EVL: variants seen among roughly 807,000 people sequenced by gnomAD.
The protein encoded by EVL is Enah/Vasp-like.
EVL carries 21 observed loss-of-function variants against 59.6 expected under a neutral mutation model. That is an observed-to-expected ratio of 0.35 (90% confidence interval 0.25 to 0.51). The LOEUF (loss-of-function observed/expected upper bound fraction) is 0.51. Ranked by LOEUF, EVL falls within the 20% of genes least tolerant of loss-of-function variation. EVL has a pLI of 0.97. For missense variants in EVL, 462 were observed against 546.6 expected, an observed-to-expected ratio of 0.85 and a Z score of 1.54; for synonymous variants, 198 against 203.5, an observed-to-expected ratio of 0.97 and a Z score of 0.23.
chr14:100,080,113 G>A (rs1057308992), intron 1 of EVL, among the ~76,000 whole-genome samples: 1 of 150,720 alleles, frequency 6.6e-6, no homozygotes, highest in African/African-American at 2.4e-5. Context: ...ATTCAAAAAT[G>A]GTCTATGATA....
At chr14:100,098,600 C>T (rs1233927843) in intron 3 of EVL, among the ~76,000 whole-genome samples, 2 of 152,182 alleles carry the variant, frequency 1.3e-5, no homozygotes, top group African/African-American at 2.4e-5. Context: ...TTACATGTGG[C>T]TTTTATTGGA....
chr14:100,086,882 GA>G (rs1168047852), intron 2 of EVL, among the ~76,000 whole-genome samples: 1 of 152,214 alleles, frequency 6.6e-6, no homozygotes, highest in African/African-American at 2.4e-5. Flanking sequence ...GCTAGGAATA[GA>G]AAAGAGATTC....
intron 3 of EVL, among the ~76,000 whole-genome samples, chr14:100,110,880 G>GCC (rs138529513): frequency 8.7e-4 from 133 of 152,308 alleles, no homozygotes; most frequent in African/African-American, 3.1e-3. Flanking sequence ...GGCGCCATGT[G>GCC]CCCAGTCAGG....
chr14:100,053,795 C>T lies in EVL; in HGVS notation c.6-30892C>T, dbSNP rs548305708. 2.0e-5 allele frequency among the ~76,000 whole-genome samples: 3 copies of T among 152,178 alleles called. No individual in the cohort carries two copies. The South Asian group carries it at 6.2e-4, about 32-fold the overall frequency. Reference sequence around the variant, plus strand: ...TCCTGAGTAGCTGGGACTATAGGCACATGCTACTGCACCCAGCTAATTTTT... The same window carrying T: ...TCCTGAGTAGCTGGGACTATAGGCATATGCTACTGCACCCAGCTAATTTTT... On this transcript the variant is annotated intron_variant, in intron 1 of 13. Transcript: ENST00000402714.
At chr14:100,005,833 G>T (rs1025890114) in intron 1 of EVL, among the ~76,000 whole-genome samples, 1 of 152,056 alleles carries the variant, frequency 6.6e-6, no homozygotes, top group Admixed American at 6.6e-5. Flanking sequence ...CCAAACCCAG[G>T]CTGTCCCGGT....
In EVL at chr14:100,050,541, G is replaced by A. The variant is rs1035332115; in HGVS notation, c.6-34146G>A. 5.9e-5 allele frequency among the ~76,000 whole-genome samples: 9 copies of A among 151,878 alleles called. No individual in the cohort carries two copies. The South Asian group carries it at 1.7e-3, about 28-fold the overall frequency. On this transcript the variant is annotated intron_variant, in intron 1 of 13. Transcript: ENST00000402714. The stretch of plus-strand genomic sequence containing the variant: ...ATTTATTGTATTTTTAGTAGAGACG[G>A]GGTTTCACCGTGGTCTCGATCTCCT...
At chr14:100,107,140 G>C in intron 3 of EVL, 1 of 398,788 alleles carries the variant, frequency 2.5e-6, no homozygotes, top group East Asian at 3.6e-5. Context: ...GCCCCATGCT[G>C]CTCCTCTTTT....
intron 1 of EVL, among the ~76,000 whole-genome samples, chr14:100,042,141 A>G: frequency 6.6e-6 from 1 of 152,360 alleles, no homozygotes; most frequent in East Asian, 1.9e-4. Flanking sequence ...ATTATTAATT[A>G]ACTATATTAC....
rs554939223 is a variant in EVL, at chr14:100,135,782, T to A, written c.901-123T>A. On this transcript the variant is annotated intron_variant, in intron 8 of 13. Transcript: ENST00000392920. ...TTTAAATATTTAATGTTTTGCTAATTATAAAAGTCATATGTGTTCATTGGG... is the reference window on the plus strand; with the variant it reads ...TTTAAATATTTAATGTTTTGCTAATAATAAAAGTCATATGTGTTCATTGGG... 3.8e-4 allele frequency: 328 copies of A among 852,308 alleles called. 2 individuals are homozygous for A. The Middle Eastern group carries it at 5.7e-3, about 15-fold the overall frequency. 52.8% of individuals were successfully genotyped at this position (852,308 alleles called of 1,614,324 possible).
chr14:100,094,984 T>C (rs1885704779), intron 2 of EVL, among the ~76,000 whole-genome samples: 1 of 151,968 alleles, frequency 6.6e-6, no homozygotes, highest in Admixed American at 6.6e-5. Context: ...GAGGTTGCAG[T>C]GAGCCAAGAT....
chr14:100,060,818 G>A (rs1015857598), upstream of EVL, among the ~76,000 whole-genome samples: 33 of 151,920 alleles, frequency 2.2e-4, no homozygotes, highest in African/African-American at 7.2e-4. Flanking sequence ...ACCCATCAAA[G>A]TCACACTGCT....
chr14:100,075,171 C>T (rs2062134948), intron 1 of EVL, among the ~76,000 whole-genome samples: 1 of 152,208 alleles, frequency 6.6e-6, no homozygotes, highest in South Asian at 2.1e-4. Flanking sequence ...GCTGCAGGGG[C>T]TCTTCTGAAC....
intron 1 of EVL, among the ~76,000 whole-genome samples, chr14:100,031,572 T>C (rs888178973): frequency 1.3e-5 from 2 of 152,220 alleles, no homozygotes; most frequent in African/African-American, 2.4e-5. Context: ...TTGTACAGAC[T>C]ACAATGTTTG....
chr14:100,123,558 G>C lies in EVL; in HGVS notation c.378G>C (p.Gln126His). Residue 126 changes from glutamine to histidine, a missense_variant, in exon 4 of 14, where the codon CAG becomes CAC. Gln to His is a conservative substitution (Grantham distance 24). Coordinates refer to ENST00000392920, the MANE Select transcript of EVL (RefSeq NM_016337.3). Reference protein sequence around the residue: ...SQEGGPSSQRQVQNGPSPDEM... With the variant: ...SQEGGPSSQRHVQNGPSPDEM... The stretch of plus-strand genomic sequence containing the variant: ...CCACAGGCCCCTCCAGCCAGCGTCA[G>C]GTGCAGAATGGCCCCTCTCCTGATG... The C allele has an allele frequency of 6.2e-7, 1 of 1,614,140 alleles. No homozygotes were observed. Among genetic ancestry groups the C allele is most frequent in the Non-Finnish European group, 8.5e-7 (1 of 1,180,010 alleles).
intron 1 of EVL, among the ~76,000 whole-genome samples, chr14:100,009,207 G>T (rs2140191312): frequency 6.6e-6 from 1 of 152,302 alleles, no homozygotes; most frequent in South Asian, 2.1e-4. Context: ...GTCAAGCATT[G>T]GTACCTAGAC....
At chr14:100,115,194 T>C (rs890207851) in intron 3 of EVL, among the ~76,000 whole-genome samples, 3 of 152,196 alleles carry the variant, frequency 2.0e-5, no homozygotes, top group African/African-American at 7.2e-5. Flanking sequence ...AAGAATATTC[T>C]GCAGGGAAAA....
At chr14:100,139,232 TGGCCAA>T (rs1325092101) in intron 11 of EVL, 1 of 152,244 alleles carries the variant, frequency 6.6e-6, no homozygotes, top group Non-Finnish European at 1.5e-5. Flanking sequence ...ATGTTGTGAG[TGGCCAA>T]GGGTCGCTCA....
At chr14:99,982,475 A>C (rs1265690160) in intron 1 of EVL, among the ~76,000 whole-genome samples, 2 of 152,234 alleles carry the variant, frequency 1.3e-5, no homozygotes, top group Non-Finnish European at 2.9e-5. Flanking sequence ...AGTGAATAGA[A>C]GTTTAATCCT....
intron 2 of EVL, among the ~76,000 whole-genome samples, chr14:100,089,171 C>CA (rs2140307868): frequency 6.6e-6 from 1 of 152,246 alleles, no homozygotes; most frequent in Non-Finnish European, 1.5e-5. Context: ...GGAGAAGAGA[C>CA]AAATTCAGAA....
Sources: allele counts gnomAD v4.1 joint callset (sites outside exome capture counted in the v4.1 genomes callset), GRCh38; gene constraint gnomAD v4.1.1; transcripts MANE v1.5; gene names NCBI Gene and HGNC (gene_info 2026-07-23, HGNC 2026-07-21).